The following ADAMTS17 variants were observed in gnomAD, a reference collection of about 807,000 sequenced individuals.
ADAMTS17 encodes the protein ADAM metallopeptidase with thrombospondin type 1 motif 17.
A neutral mutation model predicts 141.5 loss-of-function variants in ADAMTS17; 113 were observed. That is an observed-to-expected ratio of 0.80 (90% confidence interval 0.69 to 0.93). The LOEUF (loss-of-function observed/expected upper bound fraction) is 0.93. Among genes scored for constraint, ADAMTS17 ranks in the 40% least tolerant of loss-of-function variants. The probability of loss-of-function intolerance (pLI) is 0.00; values close to 1 mark genes in which losing one functional copy is unlikely to be tolerated. For synonymous variants in ADAMTS17, 768 were observed against 630.6 expected (o/e 1.22, Z -3.27); for missense variants, 1,659 against 1,517.9 (o/e 1.09, Z -1.54).
In ADAMTS17 at chr15:100,075,961, C is replaced by T. The variant is rs75995228; in HGVS notation, c.2137+20395G>A. ...GTATGTCCTCAATTCTGCTAAGTCACGTTTCATCTCTCTTTCTTGCTTCAT... is the reference window on the plus strand; with the variant it reads ...GTATGTCCTCAATTCTGCTAAGTCATGTTTCATCTCTCTTTCTTGCTTCAT... On this transcript the variant is annotated intron_variant, in intron 15 of 21. Transcript: ENST00000268070. Among the ~76,000 whole-genome samples the T allele has an allele frequency of 9.1e-3, 1,384 of 152,086 alleles. 25 individuals are homozygous for T. The highest frequency in any genetic ancestry group is 0.032 in the African/African-American group (1,341 of 41,494).
intron 8 of ADAMTS17, among the ~76,000 whole-genome samples, chr15:100,197,795 A>C (rs1382931459): frequency 6.6e-6 from 1 of 152,200 alleles, no homozygotes; most frequent in Non-Finnish European, 1.5e-5. Flanking sequence ...GAATGGAAGA[A>C]ATTAAAATGG....
chr15:100,116,804 A>G, intron 13 of ADAMTS17, 43 bp downstream of exon 13: 2 of 1,613,462 alleles, frequency 1.2e-6, no homozygotes, highest in Non-Finnish European at 1.7e-6. Context: ...TTCTTAGGGG[A>G]GGACAGGAGG....
chr15:100,123,913 T>TG (rs2037582350), intron 12 of ADAMTS17, among the ~76,000 whole-genome samples: 1 of 152,032 alleles, frequency 6.6e-6, no homozygotes, highest in Non-Finnish European at 1.5e-5. Flanking sequence ...CGGGGTGTGA[T>TG]GGGTTTTTTA....
At chr15:100,126,361 C>T (rs907307674) in intron 12 of ADAMTS17, 34 of 152,250 alleles carry the variant, frequency 2.2e-4, no homozygotes, top group Admixed American at 2.2e-3. Context: ...TACGGTGCCA[C>T]TGCGAAAGAT....
chr15:100,193,159 G>A (rs555323156), intron 8 of ADAMTS17, among the ~76,000 whole-genome samples: 58 of 152,350 alleles, frequency 3.8e-4, no homozygotes, highest in Non-Finnish European at 5.3e-4. Context: ...TCTGCTGCTC[G>A]CTCTCCTGCC....
intron 20 of ADAMTS17, among the ~76,000 whole-genome samples, chr15:99,985,458 G>A (rs188471027): frequency 3.4e-4 from 50 of 147,632 alleles, no homozygotes; most frequent in African/African-American, 1.2e-3. Flanking sequence ...TAAACATGCA[G>A]GATCTCCTAG....
chr15:100,038,599 G>A (rs371381829), intron 18 of ADAMTS17, among the ~76,000 whole-genome samples: 12 of 151,976 alleles, frequency 7.9e-5, no homozygotes, highest in African/African-American at 2.9e-4. Flanking sequence ...TATTATAGGT[G>A]GATTTTTTTC....
intron 21 of ADAMTS17, among the ~76,000 whole-genome samples, chr15:99,975,497 C>T (rs924977955): frequency 2.6e-5 from 4 of 152,156 alleles, no homozygotes; most frequent in African/African-American, 9.7e-5. Flanking sequence ...AGGCATGAGC[C>T]ACCACAACCA....
intron 20 of ADAMTS17, among the ~76,000 whole-genome samples, chr15:99,988,103 C>T (rs2060625850): frequency 6.6e-6 from 1 of 152,242 alleles, no homozygotes; most frequent in South Asian, 2.1e-4. Flanking sequence ...TCGGTGCACA[C>T]AATGGGATGC....
chr15:100,203,932 C>T (rs2041436948), intron 7 of ADAMTS17, among the ~76,000 whole-genome samples: 1 of 151,872 alleles, frequency 6.6e-6, no homozygotes, highest in African/African-American at 2.4e-5. Flanking sequence ...ATGAATTCTT[C>T]TGACACCTGG....
intron 3 of ADAMTS17, among the ~76,000 whole-genome samples, chr15:100,329,761 A>T (rs1239153998): frequency 6.6e-6 from 1 of 152,026 alleles, no homozygotes; most frequent in Non-Finnish European, 1.5e-5. Context: ...TCTAATACTC[A>T]CCTTGCCCAC....
At chr15:100,162,267 C>T (rs2039725290) in intron 8 of ADAMTS17, among the ~76,000 whole-genome samples, 1 of 151,498 alleles carries the variant, frequency 6.6e-6, no homozygotes, top group African/African-American at 2.4e-5. Context: ...CAGGTACAGC[C>T]TTCAGTCAAA....
In ADAMTS17 at chr15:100,138,081, T is replaced by C. The variant is rs541979940; in HGVS notation, c.1474-4766A>G. Among the ~76,000 whole-genome samples, 5 of 152,346 alleles carry C rather than the reference T, an allele frequency of 3.3e-5. No individual in the cohort carries two copies. In the East Asian group the frequency reaches 9.6e-4, roughly 29 times the overall value. On this transcript the variant is annotated intron_variant, in intron 10 of 21. Coordinates refer to ENST00000268070, the MANE Select transcript of ADAMTS17 (RefSeq NM_139057.4). ...TCATCTGGGGCTGGCCTATCTCAGA[T>C]AGAACAAGGTCAGGAGATCTATCTG...
In ADAMTS17 at chr15:100,131,509, A is replaced by T. The variant is rs111467662; in HGVS notation, c.1721+498T>A. 5.3e-4 allele frequency among the ~76,000 whole-genome samples: 81 copies of T among 152,304 alleles called. 2 individuals are homozygous for T. Among genetic ancestry groups the T allele is most frequent in the African/African-American group, 1.8e-3 (73 of 41,556 alleles). ...GGTGAACAGGAAAGGTCATGGTGTC[A>T]TTAGAGTCAATAAAAAGAAGCCAAA... is the stretch of plus-strand genomic sequence containing the variant. On this transcript the variant is annotated intron_variant, in intron 12 of 21. Transcript: ENST00000268070.
At chr15:100,101,151 C>T (rs1268396493) in intron 14 of ADAMTS17, among the ~76,000 whole-genome samples, 1 of 152,206 alleles carries the variant, frequency 6.6e-6, no homozygotes, top group Non-Finnish European at 1.5e-5. Context: ...GAGCTCTCTG[C>T]CCCCAACTCT....
intron 20 of ADAMTS17, among the ~76,000 whole-genome samples, chr15:99,984,641 AG>A (rs1737621936): frequency 6.6e-6 from 1 of 152,206 alleles, no homozygotes; most frequent in African/African-American, 2.4e-5. Context: ...CAGCCCTATG[AG>A]GGCTACCCCT....
intron 2 of ADAMTS17, among the ~76,000 whole-genome samples, chr15:100,335,192 G>C (rs1476652499): frequency 6.6e-6 from 1 of 152,168 alleles, no homozygotes; most frequent in Non-Finnish European, 1.5e-5. Flanking sequence ...CCAGGGGACT[G>C]TAACGCCGGC....
rs183044710 is a variant in ADAMTS17, at chr15:100,336,553, C to T, written c.450+4486G>A. On this transcript the variant is annotated intron_variant, in intron 2 of 21. Coordinates refer to ENST00000268070, the MANE Select transcript of ADAMTS17 (RefSeq NM_139057.4). ...TCTCCAAACATATTTATTCTGCACACGATCAAGTCCTCAGCAATAATAAGT... is the reference window on the plus strand; with the variant it reads ...TCTCCAAACATATTTATTCTGCACATGATCAAGTCCTCAGCAATAATAAGT... Among the ~76,000 whole-genome samples the T allele has an allele frequency of 7.9e-5, 12 of 152,296 alleles. No individual in the cohort carries two copies. The South Asian group carries it at 1.5e-3, about 18-fold the overall frequency.
At chr15:100,285,813 C>T (rs1008581715) in intron 3 of ADAMTS17, among the ~76,000 whole-genome samples, 4 of 152,148 alleles carry the variant, frequency 2.6e-5, no homozygotes, top group African/African-American at 9.7e-5. Context: ...GGAGCATGGC[C>T]ATGGATGCCC....
Sources: gnomAD v4.1 joint callset for allele counts (sites outside exome capture counted in the v4.1 genomes callset) on GRCh38, gnomAD v4.1.1 for gene constraint, MANE v1.5 for transcripts, NCBI Gene and HGNC (gene_info 2026-07-23, HGNC 2026-07-21) for gene names.